The following LCOR variants were observed in gnomAD, a reference collection of about 807,000 sequenced individuals.
The protein encoded by LCOR is ligand dependent nuclear receptor corepressor.
In LCOR, 14 loss-of-function variants were observed where a neutral mutation model predicts 64.4. The observed-to-expected ratio is 0.22, with a 90% CI of 0.14 to 0.34. The LOEUF (loss-of-function observed/expected upper bound fraction) is 0.34, where lower values mean the gene tolerates loss of function less well. Among genes scored for constraint, LCOR ranks in the 10% least tolerant of loss-of-function variants. The pLI is 1.00. For missense variants in LCOR, 1,686 were observed against 1,765.3 expected, an observed-to-expected ratio of 0.96 and a Z score of 0.80; for synonymous variants, 643 against 642.5, an observed-to-expected ratio of 1.00 and a Z score of -0.01.
intron 2 of LCOR, among the ~76,000 whole-genome samples, chr10:96,851,398 G>A (rs1384238687): frequency 1.3e-5 from 2 of 152,170 alleles, no homozygotes; most frequent in Admixed American, 1.3e-4. Flanking sequence ...CAGAGATGTG[G>A]GTGTGGAAGC....
chr10:96,970,346 G>A (rs1386730463), intron 7 of LCOR, among the ~76,000 whole-genome samples: 2 of 151,702 alleles, frequency 1.3e-5, no homozygotes, highest in Non-Finnish European at 2.9e-5. Context: ...TGCAGTGAGC[G>A]AGATCACACC....
At chr10:96,952,072 T>C in intron 6 of LCOR, 31 bp from the exon 7 acceptor site, 4 of 1,510,552 alleles carry the variant, frequency 2.6e-6, no homozygotes, top group African/African-American at 1.4e-5. Flanking sequence ...TAGCTTTTAA[T>C]ATCCTCAGGT....
chr10:96,869,053 C>T (rs947778972), intron 2 of LCOR, among the ~76,000 whole-genome samples: 2 of 151,956 alleles, frequency 1.3e-5, no homozygotes, highest in South Asian at 4.2e-4. Context: ...TTACAGGCAA[C>T]CGCCATCATG....
At chr10:96,961,668 A>G (rs1589685298) in intron 7 of LCOR, 1 of 145,866 alleles carries the variant, frequency 6.9e-6, no homozygotes, top group African/African-American at 2.5e-5. Context: ...ATTAGAGATT[A>G]GATTCTCAGT....
At chr10:96,941,195 C>G (rs1589670773) in intron 4 of LCOR, among the ~76,000 whole-genome samples, 2 of 138,964 alleles carry the variant, frequency 1.4e-5, no homozygotes, top group Non-Finnish European at 1.6e-5. Flanking sequence ...GGGGCTGACC[C>G]CCCCACCTCC....
At chr10:96,909,979 T>A (rs906615090) in intron 4 of LCOR, among the ~76,000 whole-genome samples, 6 of 152,138 alleles carry the variant, frequency 3.9e-5, no homozygotes, top group African/African-American at 1.4e-4. Flanking sequence ...TTTTTCAGGT[T>A]AGGATGAGGA....
At chr10:96,933,308 A>C (rs1847294550) in intron 4 of LCOR, among the ~76,000 whole-genome samples, 2 of 152,250 alleles carry the variant, frequency 1.3e-5, no homozygotes, top group Non-Finnish European at 1.5e-5. Context: ...GAGAAGAACA[A>C]GCATTATTTA....
intron 2 of LCOR, among the ~76,000 whole-genome samples, chr10:96,837,077 C>G (rs1475021093): frequency 6.6e-6 from 1 of 151,906 alleles, no homozygotes; most frequent in African/African-American, 2.4e-5. Flanking sequence ...CTGCAAGTTC[C>G]GCCTCCTGGG....
At chr10:96,836,275 C>G (rs995990862) in intron 2 of LCOR, among the ~76,000 whole-genome samples, 71 of 152,174 alleles carry the variant, frequency 4.7e-4, no homozygotes, top group African/African-American at 1.7e-3. Context: ...TTATTTGATG[C>G]CACTTTTATT....
intron 4 of LCOR, among the ~76,000 whole-genome samples, chr10:96,920,206 G>A (rs895159772): frequency 6.6e-6 from 1 of 151,472 alleles, no homozygotes; most frequent in Non-Finnish European, 1.5e-5. Flanking sequence ...GCTAATGAAC[G>A]TGAAGTAGTA....
chr10:96,984,515 A>G lies in LCOR; in HGVS notation c.4055A>G (p.Asn1352Ser). 6.2e-7 allele frequency: 1 copy of G among 1,614,224 alleles called. No individual in the cohort carries two copies. The highest frequency in any genetic ancestry group is 8.5e-7 in the Non-Finnish European group (1 of 1,180,042). ...CCAAGTCGTAAGAGCGTATGCATCAACCCTCTGATGTCCCCCAAGCTTGCC... is the reference window on the plus strand; with the variant it reads ...CCAAGTCGTAAGAGCGTATGCATCAGCCCTCTGATGTCCCCCAAGCTTGCC... ...SKPSRKSVCINPLMSPKLALQ... is the reference protein window; with the variant it reads ...SKPSRKSVCISPLMSPKLALQ... The change falls in exon 8 of 8, where the codon AAC becomes AGC. Residue 1352 changes from asparagine (N) to serine (S), a missense_variant. By Grantham distance (46) the Asn-to-Ser change is conservative. This residue lies in a region of LCOR where 1,293 missense variants were observed against 1,410.4 expected (regional missense o/e 0.92). Transcript: ENST00000421806.
At chr10:96,952,800 T>C (rs1847704047) in intron 7 of LCOR, among the ~76,000 whole-genome samples, 1 of 152,166 alleles carries the variant, frequency 6.6e-6, no homozygotes, top group Non-Finnish European at 1.5e-5. Context: ...AACTGTCTTC[T>C]CCCTATGTGT....
chr10:96,922,213 A>C (rs1360520970), intron 4 of LCOR, among the ~76,000 whole-genome samples: 1 of 151,662 alleles, frequency 6.6e-6, no homozygotes, highest in African/African-American at 2.4e-5. Context: ...AAAATTTCCT[A>C]AGTTTTTTTT....
At chr10:96,932,256 C>T (rs1044430721) in intron 4 of LCOR, among the ~76,000 whole-genome samples, 5 of 151,684 alleles carry the variant, frequency 3.3e-5, no homozygotes, top group Admixed American at 3.3e-4. Context: ...TAAAAAGTAC[C>T]CTCAAACATT....
chr10:96,868,067 A>G (rs1344000556), intron 2 of LCOR, among the ~76,000 whole-genome samples: 1 of 151,248 alleles, frequency 6.6e-6, no homozygotes, highest in Non-Finnish European at 1.5e-5. Context: ...TATTTTTAGT[A>G]GAGACGGAGT....
chr10:96,957,339 ATATC>A, intron 7 of LCOR: 1 of 985,080 alleles, frequency 1.0e-6, no homozygotes, highest in Non-Finnish European at 1.2e-6. Flanking sequence ...TCCTTGAAGA[ATATC>A]TAAGCTTTTT....
In LCOR at chr10:96,832,906, C is replaced by G. The variant is rs571081538; in HGVS notation, c.-403-500C>G. On this transcript the variant is annotated intron_variant, in intron 1 of 7. Transcript: ENST00000421806. The stretch of plus-strand genomic sequence containing the variant: ...CCACGCGCGGGGCGCGCCCCCGGGT[C>G]TGCGTGCACGCGCGGCGGGCTGCAG... 2.3e-5 allele frequency: 19 copies of G among 832,802 alleles called. No individual in the cohort carries two copies. In the East Asian group the frequency reaches 3.7e-4, roughly 16 times the overall value. The allele number at this position is 832,802 out of a possible 1,614,324, so 51.6% of individuals were successfully genotyped here.
At chr10:96,963,507 C>T (rs1847913474) in intron 7 of LCOR, 1 of 152,166 alleles carries the variant, frequency 6.6e-6, no homozygotes. Flanking sequence ...TGTGATGGAA[C>T]CATTGGGCCA....
chr10:96,900,986 G>A (rs990603321), intron 2 of LCOR, among the ~76,000 whole-genome samples: 10 of 151,364 alleles, frequency 6.6e-5, no homozygotes, highest in East Asian at 1.9e-4. Flanking sequence ...TCAGGAGATC[G>A]AGACCATCGT....
Sources: gnomAD v4.1 joint callset for allele counts (sites outside exome capture counted in the v4.1 genomes callset) on GRCh38, gnomAD v4.1.1 for gene constraint, gnomAD v4.1.1 regional missense constraint, MANE v1.5 for transcripts, NCBI Gene and HGNC (gene_info 2026-07-23, HGNC 2026-07-21) for gene names.